The following CA10 variants were observed in gnomAD, a reference collection of about 807,000 sequenced individuals.
CA10 encodes the protein carbonic anhydrase 10 (inactive).
In CA10, 14 loss-of-function variants were observed where a neutral mutation model predicts 44.2. The observed-to-expected ratio is 0.32, with a 90% CI of 0.21 to 0.50. The LOEUF (loss-of-function observed/expected upper bound fraction) is 0.50, where lower values mean the gene tolerates loss of function less well. Ranked by LOEUF, CA10 falls within the 20% of genes least tolerant of loss-of-function variation. The pLI, the probability that CA10 is intolerant of heterozygous loss-of-function variation, is 0.99. For missense variants in CA10, 350 were observed against 409.7 expected (o/e 0.85, Z 1.26); for synonymous variants, 159 against 141.6 (o/e 1.12, Z -0.87).
chr17:51,989,673 C>A (rs575875220), intron 2 of CA10, among the ~76,000 whole-genome samples: 9 of 152,090 alleles, frequency 5.9e-5, no homozygotes, highest in Non-Finnish European at 7.4e-5. Flanking sequence ...GAGTTGGAGG[C>A]CATTATCCTT....
In CA10 at chr17:51,696,883, C is replaced by T. The variant is rs75669401; in HGVS notation, c.466-43147G>A. 6.5e-3 allele frequency among the ~76,000 whole-genome samples: 991 copies of T among 152,126 alleles called. 6 individuals are homozygous for T. Among genetic ancestry groups the T allele is most frequent in the Middle Eastern group, 0.014 (4 of 294 alleles). ...AACATATAGTTGCATCAAACTAAAA[C>T]GAGTTTGATGCAACTGTATTCTTCT... On this transcript the variant is annotated intron_variant, in intron 4 of 8. Transcript: ENST00000451037.
chr17:51,908,871 T>C (rs2143946335), intron 3 of CA10, among the ~76,000 whole-genome samples: 1 of 152,298 alleles, frequency 6.6e-6, no homozygotes, highest in Admixed American at 6.5e-5. Context: ...GACTGTAACA[T>C]CTGTCCAAAT....
intron 4 of CA10, among the ~76,000 whole-genome samples, chr17:51,655,399 G>A (rs779080346): frequency 3.0e-4 from 45 of 152,206 alleles, no homozygotes; most frequent in Non-Finnish European, 5.4e-4. Flanking sequence ...GAAAGTGTAA[G>A]AGAGTACTCA....
At chr17:51,814,549 A>G (rs956506694) in intron 3 of CA10, among the ~76,000 whole-genome samples, 30 of 152,204 alleles carry the variant, frequency 2.0e-4, no homozygotes, top group African/African-American at 5.8e-4. Flanking sequence ...TTTTGTTTAA[A>G]TATGTTTGCT....
At chr17:51,831,718 CAGCAGCAGCAGCAGA>C (rs1908276481) in intron 3 of CA10, among the ~76,000 whole-genome samples, 4 of 145,986 alleles carry the variant, frequency 2.7e-5, no homozygotes, top group Non-Finnish European at 3.0e-5. Flanking sequence ...GCAGCAGCAG[CAGCAGCAGCAGCAGA>C]AAAAGACCTT....
At chr17:51,813,895 G>A (rs1475227685) in intron 3 of CA10, among the ~76,000 whole-genome samples, 1 of 152,166 alleles carries the variant, frequency 6.6e-6, no homozygotes, top group Non-Finnish European at 1.5e-5. Context: ...CCTAAATCTA[G>A]CACTCTTTCT....
chr17:52,002,063 G>C (rs1410838612), intron 2 of CA10, among the ~76,000 whole-genome samples: 2 of 151,884 alleles, frequency 1.3e-5, no homozygotes, highest in Non-Finnish European at 2.9e-5. Context: ...AAATATGTTA[G>C]GAAGAGAGTA....
chr17:51,820,572 A>C (rs1907744216), intron 3 of CA10, among the ~76,000 whole-genome samples: 1 of 152,026 alleles, frequency 6.6e-6, no homozygotes, highest in Admixed American at 6.5e-5. Context: ...CATATTTGAA[A>C]ATTTCCACTT....
At chr17:51,998,096 GCAGA>G (rs1230027353) in intron 2 of CA10, among the ~76,000 whole-genome samples, 2 of 152,086 alleles carry the variant, frequency 1.3e-5, no homozygotes, top group East Asian at 1.9e-4. Context: ...CCAGCCCAGT[GCAGA>G]CAGACAGAGG....
chr17:51,871,701 CT>C lies in CA10; in HGVS notation c.279+59288del, dbSNP rs112702385. Among the ~76,000 whole-genome samples the C allele has an allele frequency of 1.1e-3, 166 of 146,932 alleles. 1 individual carries two copies. The highest frequency in any genetic ancestry group is 1.4e-3 in the East Asian group (7 of 5,040). ...TGCCAGCCCTTCCTTCTTCTTTAAA[CT>C]TTTTTTTTTTGAGTGTACTTTAATA... On this transcript the variant is annotated intron_variant, in intron 3 of 8. Coordinates refer to ENST00000451037, the MANE Select transcript of CA10 (RefSeq NM_020178.5).
At chr17:51,961,184 C>CACAA in intron 2 of CA10, among the ~76,000 whole-genome samples, 1 of 98,084 alleles carries the variant, frequency 1.0e-5, no homozygotes, top group South Asian at 4.4e-4. Flanking sequence ...TGTATGTACA[C>CACAA]ACAAACACAC....
At chr17:51,925,763 GAATTA>G (rs1479277736) in intron 3 of CA10, among the ~76,000 whole-genome samples, 1 of 152,170 alleles carries the variant, frequency 6.6e-6, no homozygotes, top group Admixed American at 6.5e-5. Context: ...CCTTAAAAAT[GAATTA>G]AATTTTGATA....
intron 3 of CA10, among the ~76,000 whole-genome samples, chr17:51,873,867 G>A (rs1979929471): frequency 6.6e-6 from 1 of 152,142 alleles, no homozygotes; most frequent in East Asian, 1.9e-4. Flanking sequence ...GACCAAAAAC[G>A]TGTTTGTGTT....
chr17:51,670,017 C>T (rs1008295818), intron 4 of CA10, among the ~76,000 whole-genome samples: 3 of 152,206 alleles, frequency 2.0e-5, no homozygotes, highest in Non-Finnish European at 4.4e-5. Flanking sequence ...ATGGTTTTAT[C>T]AGGGGAAACC....
At chr17:51,846,951 AAATT>A (rs1978521705) in intron 3 of CA10, among the ~76,000 whole-genome samples, 1 of 152,222 alleles carries the variant, frequency 6.6e-6, no homozygotes, top group Non-Finnish European at 1.5e-5. Context: ...TTTTGGGATG[AAATT>A]AATTAGGTGT....
chr17:51,783,086 G>GC (rs1387069661), intron 3 of CA10, among the ~76,000 whole-genome samples: 1 of 152,194 alleles, frequency 6.6e-6, no homozygotes, highest in Non-Finnish European at 1.5e-5. Context: ...CAATCACCCA[G>GC]CTGACTGTTG....
chr17:52,001,629 G>A (rs203049), intron 2 of CA10, among the ~76,000 whole-genome samples: 80,606 of 151,674 alleles, frequency 0.53, 22,657 homozygotes, highest in African/African-American at 0.71. Context: ...CCATTTTTAG[G>A]AGACATTCTA....
intron 1 of CA10, among the ~76,000 whole-genome samples, chr17:52,097,591 C>T (rs1174345271): frequency 6.6e-6 from 1 of 152,158 alleles, no homozygotes; most frequent in East Asian, 1.9e-4. Flanking sequence ...ATAAGTCTGA[C>T]CTTTCTTTCA....
intron 3 of CA10, among the ~76,000 whole-genome samples, chr17:51,830,195 C>CAAAAAAAAAAAAAA (rs1220410518): frequency 6.7e-5 from 6 of 89,966 alleles, no homozygotes; most frequent in Non-Finnish European, 1.1e-4. Context: ...GACTCCATCT[C>CAAAAAAAAAAAAAA]AAAAAAAAAA....
Sources: gnomAD v4.1 joint callset for allele counts (sites outside exome capture counted in the v4.1 genomes callset) on GRCh38, gnomAD v4.1.1 for gene constraint, MANE v1.5 for transcripts, NCBI Gene and HGNC (gene_info 2026-07-23, HGNC 2026-07-21) for gene names.